CACNA2D1: variants seen among roughly 807,000 people sequenced by gnomAD.
The protein encoded by CACNA2D1 is voltage-dependent calcium channel subunit alpha-2/delta-1.
In CACNA2D1, 53 loss-of-function variants were observed where a neutral mutation model predicts 171.5. The ratio of observed to expected loss-of-function variants is 0.31; its 90% CI spans 0.25 to 0.39. The LOEUF is 0.39. Among genes scored for constraint, CACNA2D1 ranks in the 10% least tolerant of loss-of-function variants. CACNA2D1 has a pLI of 1.00. For synonymous variants in CACNA2D1, 442 were observed against 443.1 expected (o/e 1.00, Z 0.03); for missense variants, 903 against 1,299.8 (o/e 0.69, Z 4.69).
At chr7:82,301,081 T>C (rs549737655) in intron 3 of CACNA2D1, among the ~76,000 whole-genome samples, 1 of 152,322 alleles carries the variant, frequency 6.6e-6, no homozygotes, top group Non-Finnish European at 1.5e-5. Flanking sequence ...GGTAAGAATG[T>C]GAATGACTAA....
At chr7:82,109,003 GC>G (rs1233078453) in intron 6 of CACNA2D1, among the ~76,000 whole-genome samples, 5 of 152,020 alleles carry the variant, frequency 3.3e-5, no homozygotes, top group Non-Finnish European at 5.9e-5. Context: ...TTTAAAAAGT[GC>G]CCTTTCTTAG....
At chr7:82,386,779 T>A (rs1419091098) in intron 1 of CACNA2D1, among the ~76,000 whole-genome samples, 1 of 149,080 alleles carries the variant, frequency 6.7e-6, no homozygotes, top group Non-Finnish European at 1.5e-5. Flanking sequence ...AATAAATAAA[T>A]AAAATAACTA....
chr7:81,985,153 G>A (rs1212694151), intron 21 of CACNA2D1, among the ~76,000 whole-genome samples: 1 of 150,390 alleles, frequency 6.6e-6, no homozygotes, highest in Non-Finnish European at 1.5e-5. Context: ...TGTATAAAAT[G>A]GACACTATTA....
intron 3 of CACNA2D1, among the ~76,000 whole-genome samples, chr7:82,178,097 T>A (rs943533644): frequency 2.0e-5 from 3 of 152,130 alleles, no homozygotes; most frequent in Non-Finnish European, 4.4e-5. Flanking sequence ...GCAAAACATA[T>A]AAATAAAACT....
intron 3 of CACNA2D1, among the ~76,000 whole-genome samples, chr7:82,216,191 T>G (rs895972960): frequency 6.6e-6 from 1 of 152,130 alleles, no homozygotes; most frequent in Non-Finnish European, 1.5e-5. Context: ...GTGGTAGAAA[T>G]AATTTTTCAC....
chr7:82,246,539 G>A (rs1462101074), intron 3 of CACNA2D1, among the ~76,000 whole-genome samples: 5 of 152,080 alleles, frequency 3.3e-5, no homozygotes, highest in African/African-American at 1.2e-4. Context: ...TTTAAGCCCT[G>A]TCTGATCTGT....
intron 3 of CACNA2D1, among the ~76,000 whole-genome samples, chr7:82,263,324 T>A (rs947656302): frequency 3.9e-5 from 6 of 152,052 alleles, no homozygotes; most frequent in African/African-American, 1.4e-4. Flanking sequence ...ATGGCCCGGC[T>A]GGTCTCGAAC....
At chr7:82,286,160 T>C (rs1050143452) in intron 3 of CACNA2D1, among the ~76,000 whole-genome samples, 2 of 152,148 alleles carry the variant, frequency 1.3e-5, no homozygotes, top group Non-Finnish European at 2.9e-5. Context: ...GTAGCTTTTA[T>C]AGATATTACT....
intron 34 of CACNA2D1, among the ~76,000 whole-genome samples, chr7:81,963,356 A>G (rs1215566858): frequency 6.6e-6 from 1 of 151,246 alleles, no homozygotes; most frequent in Non-Finnish European, 1.5e-5. Context: ...GTGATGATAC[A>G]AAAAAAAAGA....
At chr7:82,143,825 T>A (rs1161279747) in intron 4 of CACNA2D1, among the ~76,000 whole-genome samples, 1 of 152,190 alleles carries the variant, frequency 6.6e-6, no homozygotes, top group Non-Finnish European at 1.5e-5. Flanking sequence ...AACTGCCCAA[T>A]CTTGCTGGAG....
At chr7:82,085,536 G>GA (rs144326382) in intron 6 of CACNA2D1, among the ~76,000 whole-genome samples, 27,453 of 146,370 alleles carry the variant, frequency 0.19, 2,966 homozygotes, top group East Asian at 0.44. Flanking sequence ...AAAAAAAAAA[G>GA]AAAAAAAGTC....
chr7:82,005,635 AT>A (rs1584374288), intron 17 of CACNA2D1, 129 bp downstream of exon 17: 7 of 880,458 alleles, frequency 8.0e-6, no homozygotes, highest in Non-Finnish European at 1.3e-5. Context: ...TATTTTAGAG[AT>A]GCTTTTAACC....
At chr7:81,957,517 C>T (rs1263047487) in intron 38 of CACNA2D1, among the ~76,000 whole-genome samples, 2 of 152,058 alleles carry the variant, frequency 1.3e-5, no homozygotes, top group Non-Finnish European at 2.9e-5. Context: ...CATCATGGTA[C>T]AGGCACGACT....
rs547751823 is a variant in CACNA2D1, at chr7:82,371,219, G to A, written c.96-21570C>T. On this transcript the variant is annotated intron_variant, in intron 1 of 38. Transcript: ENST00000356860. The stretch of plus-strand genomic sequence containing the variant: ...ATTCACACCTAGTCACAGAAAGAGT[G>A]TACTAATTAACATGATTTAGAGTAT... 1.0e-3 allele frequency among the ~76,000 whole-genome samples: 152 copies of A among 152,304 alleles called. 6 individuals are homozygous for A. The highest frequency in any genetic ancestry group is 9.9e-3 in the Admixed American group (151 of 15,298).
At chr7:82,127,462 A>G (rs1341827198) in intron 5 of CACNA2D1, among the ~76,000 whole-genome samples, 1 of 152,200 alleles carries the variant, frequency 6.6e-6, no homozygotes, top group Non-Finnish European at 1.5e-5. Context: ...TACAAATTTA[A>G]CAAGCATTAT....
chr7:82,088,646 T>C (rs767413354), intron 6 of CACNA2D1, among the ~76,000 whole-genome samples: 45 of 152,276 alleles, frequency 3.0e-4, no homozygotes, highest in Non-Finnish European at 5.1e-4. Context: ...AAATTTTCTT[T>C]ACGAAAAAAC....
intron 1 of CACNA2D1, among the ~76,000 whole-genome samples, chr7:82,379,497 T>C (rs896972683): frequency 6.6e-6 from 1 of 152,202 alleles, no homozygotes; most frequent in African/African-American, 2.4e-5. Flanking sequence ...TTAGAAAAAA[T>C]GATTATTTTT....
chr7:82,349,528 A>C, intron 2 of CACNA2D1, 40 bp downstream of exon 2: 1 of 1,451,660 alleles, frequency 6.9e-7, no homozygotes, highest in Non-Finnish European at 9.7e-7. Context: ...ATTCGAATTA[A>C]TGAAAAGATT....
At chr7:82,256,933 T>A (rs4732440) in intron 3 of CACNA2D1, among the ~76,000 whole-genome samples, 5,618 of 152,252 alleles carry the variant, frequency 0.037, 134 homozygotes, top group Admixed American at 0.062. Context: ...TATACTATAG[T>A]GAGTTTCAAA....
Sources: gnomAD v4.1 joint callset for allele counts (sites outside exome capture counted in the v4.1 genomes callset) on GRCh38, gnomAD v4.1.1 for gene constraint, MANE v1.5 for transcripts, NCBI Gene and HGNC (gene_info 2026-07-23, HGNC 2026-07-21) for gene names.